The following RNF113B variants were observed in gnomAD, a reference collection of about 807,000 sequenced individuals.
The protein encoded by RNF113B is ring finger protein 113B, also known as zinc finger protein 183-like 1.
A neutral mutation model predicts 22.2 loss-of-function variants in RNF113B; 12 were observed. That is an observed-to-expected ratio of 0.54 (90% CI 0.35 to 0.87). The LOEUF (loss-of-function observed/expected upper bound fraction) is 0.87, where lower values mean the gene tolerates loss of function less well. Ranked by LOEUF, RNF113B falls within the 40% of genes least tolerant of loss-of-function variation. The pLI, the probability that RNF113B is intolerant of heterozygous loss-of-function variation, is 0.01. For synonymous variants in RNF113B, 194 were observed against 184.6 expected (o/e 1.05, Z -0.41); for missense variants, 442 against 455.4 (o/e 0.97, Z 0.27).
Position 98,175,923 on chromosome 13 carries a change from T to C in RNF113B, c.*240A>G. The C allele has an allele frequency of 1.8e-6, 1 of 544,284 alleles. No individual in the cohort carries two copies. Among genetic ancestry groups the C allele is most frequent in the East Asian group, 3.0e-5 (1 of 33,324 alleles). 33.7% of individuals were successfully genotyped at this position (544,284 alleles called of 1,614,324 possible). A position where few individuals can be genotyped will look rare whatever the true frequency, so the allele number is the denominator to read the frequency against. ...GTTAAGGCTTAATAGCATTCCATTGTGTGTGTGTATCGCATTTTGTTTGTC... is the reference window on the plus strand; with the variant it reads ...GTTAAGGCTTAATAGCATTCCATTGCGTGTGTGTATCGCATTTTGTTTGTC... On this transcript the variant is annotated 3_prime_UTR_variant, in exon 2 of 2. Coordinates refer to ENST00000267291, the MANE Select transcript of RNF113B (RefSeq NM_178861.5).
Position 98,176,347 on chromosome 13 carries a change from GT to G in RNF113B, c.889del (p.Thr297ProfsTer11), listed in dbSNP as rs1319063938. On this transcript the variant is annotated frameshift_variant, in exon 1 of 2. Coordinates refer to ENST00000267291, the MANE Select transcript of RNF113B (RefSeq NM_178861.5). LOFTEE classifies it high-confidence loss of function. The surrounding 1 kb of genome is among the most constrained non-coding windows in gnomAD (Gnocchi z 6.2). ...TPRCYICDQPTGGIFNPAKEL... is the reference protein window; with the variant it reads ...TPRCYICDQPXGGIFNPAKEL... ...TTTGGCGGGGTTAAAGATGCCGCCGGTTGGCTGGTCACAGATGTAGCAGCGC... is the reference window on the plus strand; with the variant it reads ...TTTGGCGGGGTTAAAGATGCCGCCGGTGGCTGGTCACAGATGTAGCAGCGC... The G allele has an allele frequency of 6.2e-6, 10 of 1,614,028 alleles. No homozygotes were observed. The highest frequency in any genetic ancestry group is 7.6e-6 in the Non-Finnish European group (9 of 1,179,880).
chr13:98,176,657 C>T lies in RNF113B; in HGVS notation c.580G>A (p.Asp194Asn). Reference sequence around the variant, plus strand: ...GTCTCCTTGTAGTCCTTGCAGATGTCAGGCTGGTAATCCCAGCGCACAGTG... The same window carrying T: ...GTCTCCTTGTAGTCCTTGCAGATGTTAGGCTGGTAATCCCAGCGCACAGTG... ...RATVRWDYQPDICKDYKETGF... is the reference protein window; with the variant it reads ...RATVRWDYQPNICKDYKETGF... The change falls in exon 1 of 2, where the codon GAC (aspartate) becomes AAC (asparagine). Residue 194 changes from aspartate (D) to asparagine (N), a missense_variant. Physicochemically the swap from Asp to Asn is conservative, Grantham distance 23. Transcript: ENST00000267291. This position sits in a 1 kb window ranked among gnomAD's most constrained non-coding sequence, Gnocchi z 6.2. 1 of 1,614,228 alleles carries T rather than the reference C, an allele frequency of 6.2e-7. No homozygotes were observed.
In RNF113B at chr13:98,176,565, C is replaced by T. The variant is rs538170646; in HGVS notation, c.672G>A (p.Trp224Ter). Residue 224 changes from tryptophan to a stop codon, truncating the protein, a stop_gained, in exon 1 of 2, where the codon TGG (tryptophan) becomes TGA (stop). Coordinates refer to ENST00000267291, the MANE Select transcript of RNF113B (RefSeq NM_178861.5). LOFTEE classifies it high-confidence loss of function. This position sits in a 1 kb window ranked among gnomAD's most constrained non-coding sequence, Gnocchi z 6.2. ...LHDRSDYKLG[W>*]EIERELEEGR... is the part of the protein sequence containing the mutation. The stretch of plus-strand genomic sequence containing the variant: ...CCTCTTCAAGCTCCCGTTCAATCTC[C>T]CACCCGAGCTTGTAATCGGAACGGT... 1.9e-6 allele frequency: 3 copies of T among 1,614,096 alleles called. No homozygotes were observed. The highest frequency in any genetic ancestry group is 1.7e-6 in the Non-Finnish European group (2 of 1,180,040).
In RNF113B at chr13:98,176,117, T is replaced by C; in HGVS notation, c.*46A>G. On this transcript the variant is annotated 3_prime_UTR_variant, in exon 2 of 2. Coordinates refer to ENST00000267291, the MANE Select transcript of RNF113B (RefSeq NM_178861.5). The surrounding 1 kb of genome is among the most constrained non-coding windows in gnomAD (Gnocchi z 6.2). ...AAGACTGTCATCTCTCTCATCTTAC[T>C]CAACAGGCTGCTTCTCCCCAGTGTA... is the stretch of plus-strand genomic sequence containing the variant. The C allele has an allele frequency of 6.5e-7, 1 of 1,543,816 alleles. No homozygotes were observed. The highest frequency in any genetic ancestry group is 8.9e-7 in the Non-Finnish European group (1 of 1,120,778).
rs1451016497 is a variant in RNF113B at position 98,175,950 on chromosome 13, A to G, written c.*213T>C. The G allele has an allele frequency of 3.3e-5, 19 of 575,020 alleles. 1 individual carries two copies. Among genetic ancestry groups the G allele is most frequent in the African/African-American group, 7.5e-5 (4 of 53,290 alleles). 35.6% of individuals were successfully genotyped at this position (575,020 alleles called of 1,614,324 possible). ...TGTGTGTATCGCATTTTGTTTGTCC[A>G]TTCATCCATCCATGGACACTTGGGT... On this transcript the variant is annotated 3_prime_UTR_variant, in exon 2 of 2. Coordinates refer to ENST00000267291, the MANE Select transcript of RNF113B (RefSeq NM_178861.5).
chr13:98,176,047 G>T lies in RNF113B; in HGVS notation c.*116C>A. On this transcript the variant is annotated 3_prime_UTR_variant, in exon 2 of 2. Coordinates refer to ENST00000267291, the MANE Select transcript of RNF113B (RefSeq NM_178861.5). This position sits in a 1 kb window ranked among gnomAD's most constrained non-coding sequence, Gnocchi z 6.2. ...GAGTGCACATACCTCTTTGAGATCCGGATTTCAATTCTTTTGGTTACATAC... is the reference window on the plus strand; with the variant it reads ...GAGTGCACATACCTCTTTGAGATCCTGATTTCAATTCTTTTGGTTACATAC... 1.0e-6 allele frequency: 1 copy of T among 958,966 alleles called. No homozygotes were observed. The highest frequency in any genetic ancestry group is 1.6e-6 in the Non-Finnish European group (1 of 615,548). 59.4% of individuals were successfully genotyped at this position (958,966 alleles called of 1,614,324 possible).
rs1043785861 is a variant in RNF113B at position 98,176,118 on chromosome 13, C to G, written c.*45G>C. 17 of 1,551,624 alleles carry G rather than the reference C, an allele frequency of 1.1e-5. No homozygotes were observed. Among genetic ancestry groups the G allele is most frequent in the African/African-American group, 4.1e-5 (3 of 73,344 alleles). ...AGACTGTCATCTCTCTCATCTTACTCAACAGGCTGCTTCTCCCCAGTGTAC... is the reference window on the plus strand; with the variant it reads ...AGACTGTCATCTCTCTCATCTTACTGAACAGGCTGCTTCTCCCCAGTGTAC... On this transcript the variant is annotated 3_prime_UTR_variant, in exon 2 of 2. Coordinates refer to ENST00000267291, the MANE Select transcript of RNF113B (RefSeq NM_178861.5). The surrounding 1 kb of genome is among the most constrained non-coding windows in gnomAD (Gnocchi z 6.2).
chr13:98,176,578 TAA>T lies in RNF113B; in HGVS notation c.657_658del (p.Asp219GlufsTer8). Reference sequence around the variant, plus strand: ...CCGTTCAATCTCCCACCCGAGCTTGTAATCGGAACGGTCGTGGAGGAATTTGC... The same window carrying T: ...CCGTTCAATCTCCCACCCGAGCTTGTTCGGAACGGTCGTGGAGGAATTTGC... On this transcript the variant is annotated frameshift_variant, in exon 1 of 2. Coordinates refer to ENST00000267291, the MANE Select transcript of RNF113B (RefSeq NM_178861.5). LOFTEE classifies it high-confidence loss of function. The surrounding 1 kb of genome is among the most constrained non-coding windows in gnomAD (Gnocchi z 6.2). 6.2e-7 allele frequency: 1 copy of T among 1,614,178 alleles called. No individual in the cohort carries two copies. Among genetic ancestry groups the T allele is most frequent in the Non-Finnish European group, 8.5e-7 (1 of 1,180,034 alleles).
In RNF113B at chr13:98,176,708, T is replaced by TG. The variant is rs1182434616; in HGVS notation, c.528dup (p.Ile177HisfsTer18). 3 of 1,614,066 alleles carry TG rather than the reference T, an allele frequency of 1.9e-6. No individual in the cohort carries two copies. Among genetic ancestry groups the TG allele is most frequent in the Admixed American group, 1.7e-5 (1 of 60,004 alleles). On this transcript the variant is annotated frameshift_variant, in exon 1 of 2. Transcript: ENST00000267291. LOFTEE classifies it high-confidence loss of function. This position sits in a 1 kb window ranked among gnomAD's most constrained non-coding sequence, Gnocchi z 6.2. ...GCGCGCAGATGCCCTGGCGCACGTA[T>TG]GGGGCCCTTCCTCGCCATCCCCGAG...
rs778725590 is a variant in RNF113B, at chr13:98,177,119, C to T, written c.118G>A (p.Asp40Asn). Reference protein sequence around the residue: ...AAGLRKRPACDPEHGESSSSG... With the variant: ...AAGLRKRPACNPEHGESSSSG... The stretch of plus-strand genomic sequence containing the variant: ...CTGCTGCTCTCTCCGTGCTCGGGGT[C>T]GCAGGCCGGGCGCTTTCTGAGGCCT... Residue 40 changes from aspartate (D) to asparagine (N), a missense_variant, in exon 1 of 2, where the codon GAC becomes AAC. Asp to Asn is a conservative substitution (Grantham distance 23). Transcript: ENST00000267291. 1.1e-5 allele frequency: 17 copies of T among 1,602,456 alleles called. No individual in the cohort carries two copies. Among genetic ancestry groups the T allele is most frequent in the African/African-American group, 1.3e-5 (1 of 74,868 alleles).
rs866495983 is a variant in RNF113B at position 98,177,262 on chromosome 13, C to T, written c.-26G>A. 15 of 1,515,116 alleles carry T rather than the reference C, an allele frequency of 9.9e-6. No homozygotes were observed. The highest frequency in any genetic ancestry group is 2.8e-5 in the African/African-American group (2 of 71,978). 93.9% of individuals were successfully genotyped at this position (1,515,116 alleles called of 1,614,324 possible). A position where few individuals can be genotyped will look rare whatever the true frequency, so the allele number is the denominator to read the frequency against. ...GTTTGAGTCTCAGGCTCCCAACGGCCGTGGCGTGCGTCACCCTTGCGTCGC... is the reference window on the plus strand; with the variant it reads ...GTTTGAGTCTCAGGCTCCCAACGGCTGTGGCGTGCGTCACCCTTGCGTCGC... On this transcript the variant is annotated 5_prime_UTR_variant, in exon 1 of 2. Transcript: ENST00000267291.
chr13:98,177,259 G>A lies in RNF113B; in HGVS notation c.-23C>T. On this transcript the variant is annotated 5_prime_UTR_variant, in exon 1 of 2. Transcript: ENST00000267291. ...CATGTTTGAGTCTCAGGCTCCCAACGGCCGTGGCGTGCGTCACCCTTGCGT... is the reference window on the plus strand; with the variant it reads ...CATGTTTGAGTCTCAGGCTCCCAACAGCCGTGGCGTGCGTCACCCTTGCGT... The A allele has an allele frequency of 6.6e-7, 1 of 1,523,918 alleles. No individual in the cohort carries two copies. The highest frequency in any genetic ancestry group is 8.8e-7 in the Non-Finnish European group (1 of 1,135,752). The allele number at this position is 1,523,918 out of a possible 1,614,324, so 94.4% of individuals were successfully genotyped here.
At position 98,176,240 on chromosome 13, in the gene RNF113B, G is replaced by C. The variant is rs778897644; in HGVS notation, c.955+42C>G. The C allele has an allele frequency of 6.2e-6, 10 of 1,602,678 alleles. No individual in the cohort carries two copies. In the African/African-American group the frequency reaches 6.7e-5, roughly 11 times the overall value. On this transcript the variant is annotated intron_variant, in intron 1 of 1. Transcript: ENST00000267291. This position sits in a 1 kb window ranked among gnomAD's most constrained non-coding sequence, Gnocchi z 6.2. The stretch of plus-strand genomic sequence containing the variant: ...TGGGAAACCTAAGCCATGGGAATTG[G>C]ACACTCATGGGGGTCTTCTGTGAAA...
At position 98,176,710 on chromosome 13, in the gene RNF113B, G is replaced by A; in HGVS notation, c.527C>T (p.Pro176Leu). Reference sequence around the variant, plus strand: ...GCGCAGATGCCCTGGCGCACGTATGGGGCCCTTCCTCGCCATCCCCGAGGA... The same window carrying A: ...GCGCAGATGCCCTGGCGCACGTATGAGGCCCTTCCTCGCCATCCCCGAGGA... Reference protein sequence around the residue: ...NSSSGMARKGPIRAPGHLRAT... With the variant: ...NSSSGMARKGLIRAPGHLRAT... Residue 176 changes from proline (P) to leucine (L), a missense_variant, in exon 1 of 2, where the codon CCC (proline) becomes CTC (leucine). Physicochemically the swap from Pro to Leu is moderately conservative, Grantham distance 98. Transcript: ENST00000267291. The surrounding 1 kb of genome is among the most constrained non-coding windows in gnomAD (Gnocchi z 6.2). 1 of 1,614,128 alleles carries A rather than the reference G, an allele frequency of 6.2e-7. No individual in the cohort carries two copies. The highest frequency in any genetic ancestry group is 8.5e-7 in the Non-Finnish European group (1 of 1,180,026).
rs1055268653 is a variant in RNF113B, at chr13:98,176,186, C to CA, written c.956-11dup. 8.1e-6 allele frequency: 13 copies of CA among 1,610,230 alleles called. No individual in the cohort carries two copies. The highest frequency in any genetic ancestry group is 1.0e-5 in the Non-Finnish European group (12 of 1,177,084). On this transcript the variant is annotated splice_polypyrimidine_tract_variant and intron_variant, in intron 1 of 1. Transcript: ENST00000267291. This position sits in a 1 kb window ranked among gnomAD's most constrained non-coding sequence, Gnocchi z 6.2. The stretch of plus-strand genomic sequence containing the variant: ...TCTTATCTCTTTTTTCCTAAAAGAA[C>CA]AAAAAAATTTATTTAAATGTGAGAA...
rs1594234410 is a variant in RNF113B, at chr13:98,177,167, T to G, written c.70A>C (p.Lys24Gln). ...ADQVCTFLFK[K>Q]PGRKGAAGLR... Reference sequence around the variant, plus strand: ...CCTGCAGCCCCTTTCCGTCCAGGCTTTTTGAAGAGGAAGGTGCATACCTGG... The same window carrying G: ...CCTGCAGCCCCTTTCCGTCCAGGCTGTTTGAAGAGGAAGGTGCATACCTGG... Residue 24 changes from lysine to glutamine, a missense_variant, in exon 1 of 2, where the codon AAG becomes CAG. Transcript: ENST00000267291. 1.2e-6 allele frequency: 2 copies of G among 1,607,404 alleles called. No homozygotes were observed. Among genetic ancestry groups the G allele is most frequent in the South Asian group, 1.1e-5 (1 of 90,806 alleles).
chr13:98,177,231 T>TG lies in RNF113B; in HGVS notation c.5dup (p.Ala3SerfsTer86), dbSNP rs1390772115. On this transcript the variant is annotated frameshift_variant, in exon 1 of 2. Transcript: ENST00000267291. LOFTEE classifies it high-confidence loss of function. ...CCGTCCTTCCTGGAGAAGGTGGCGC[T>TG]GCCATGTTTGAGTCTCAGGCTCCCA... The TG allele has an allele frequency of 6.5e-7, 1 of 1,550,330 alleles. No individual in the cohort carries two copies. Among genetic ancestry groups the TG allele is most frequent in the South Asian group, 1.2e-5 (1 of 82,802 alleles).
Position 98,177,260 on chromosome 13 carries a change from G to A in RNF113B, c.-24C>T. 2.6e-6 allele frequency: 4 copies of A among 1,519,418 alleles called. No individual in the cohort carries two copies. Among genetic ancestry groups the A allele is most frequent in the Non-Finnish European group, 3.5e-6 (4 of 1,132,560 alleles). 94.1% of individuals were successfully genotyped at this position (1,519,418 alleles called of 1,614,324 possible). On this transcript the variant is annotated 5_prime_UTR_variant, in exon 1 of 2. Coordinates refer to ENST00000267291, the MANE Select transcript of RNF113B (RefSeq NM_178861.5). ...ATGTTTGAGTCTCAGGCTCCCAACG[G>A]CCGTGGCGTGCGTCACCCTTGCGTC...
Position 98,176,564 on chromosome 13 carries a change from C to T in RNF113B, c.673G>A (p.Glu225Lys), listed in dbSNP as rs1388970512. 6.2e-7 allele frequency: 1 copy of T among 1,614,246 alleles called. No individual in the cohort carries two copies. The highest frequency in any genetic ancestry group is 8.5e-7 in the Non-Finnish European group (1 of 1,180,036). The change falls in exon 1 of 2, where the codon GAG (glutamate) becomes AAG (lysine). Residue 225 changes from glutamate to lysine, a missense_variant. By Grantham distance (56) the Glu-to-Lys change is moderately conservative (BLOSUM62 1). Transcript: ENST00000267291. This position sits in a 1 kb window ranked among gnomAD's most constrained non-coding sequence, Gnocchi z 6.2. ...CCCTCTTCAAGCTCCCGTTCAATCT[C>T]CCACCCGAGCTTGTAATCGGAACGG... ...HDRSDYKLGW[E>K]IERELEEGRY...
Sources: allele counts gnomAD v4.1 joint callset, GRCh38; gene constraint gnomAD v4.1.1; non-coding constraint Gnocchi (gnomAD v3.1); transcripts MANE v1.5; gene names NCBI Gene and HGNC (gene_info 2026-07-23, HGNC 2026-07-21).